CTNNA3: variants seen among roughly 807,000 people sequenced by gnomAD.
CTNNA3 encodes the protein catenin alpha 3, also known as catenin alpha-3.
A neutral mutation model predicts 95.7 loss-of-function variants in CTNNA3; 76 were observed. The observed-to-expected ratio is 0.79, with a 90% CI of 0.66 to 0.96. The LOEUF is 0.96. CTNNA3 is among the 40% of genes least tolerant of loss of function. The pLI, the probability that CTNNA3 is intolerant of heterozygous loss-of-function variation, is 0.00. For missense variants in CTNNA3, 1,191 were observed against 1,089.8 expected, an observed-to-expected ratio of 1.09 and a Z score of -1.31; for synonymous variants, 431 against 374.4, an observed-to-expected ratio of 1.15 and a Z score of -1.74.
intron 7 of CTNNA3, 103 bp downstream of exon 7, chr10:67,180,214 T>G: frequency 1.0e-6 from 1 of 967,938 alleles, no homozygotes; most frequent in Non-Finnish European, 1.6e-6. Context: ...AATCACATAC[T>G]CATTTGTAAT....
At chr10:66,595,437 G>A (rs185743273) in intron 10 of CTNNA3, among the ~76,000 whole-genome samples, 16 of 151,928 alleles carry the variant, frequency 1.1e-4, no homozygotes, top group South Asian at 6.2e-4. Context: ...TCTACCTCCC[G>A]GGTTCCAGCA....
chr10:67,414,359 T>C (rs1845475097), intron 5 of CTNNA3, among the ~76,000 whole-genome samples: 1 of 152,056 alleles, frequency 6.6e-6, no homozygotes, highest in African/African-American at 2.4e-5. Flanking sequence ...CCTGGAAGCA[T>C]ACAATCTCCA....
intron 5 of CTNNA3, among the ~76,000 whole-genome samples, chr10:67,263,889 G>T (rs1162164694): frequency 6.6e-6 from 1 of 151,926 alleles, no homozygotes; most frequent in African/African-American, 2.4e-5. Context: ...ATGCTGATGA[G>T]ATAAAATTTA....
chr10:67,725,851 T>G (rs1289067667), intron 1 of CTNNA3, among the ~76,000 whole-genome samples: 1 of 147,864 alleles, frequency 6.8e-6, no homozygotes, highest in African/African-American at 2.5e-5. Flanking sequence ...TGTAAATACG[T>G]AAGGTGTACC....
chr10:67,009,082 T>G (rs976757374), intron 7 of CTNNA3, among the ~76,000 whole-genome samples: 1 of 152,160 alleles, frequency 6.6e-6, no homozygotes, highest in Non-Finnish European at 1.5e-5. Flanking sequence ...CCATGTGACT[T>G]GATATTCATG....
At chr10:66,863,180 TACACACACACACAC>T (rs71035194) in intron 7 of CTNNA3, among the ~76,000 whole-genome samples, 2 of 147,806 alleles carry the variant, frequency 1.4e-5, no homozygotes, top group Admixed American at 1.4e-4. Context: ...GCCAATTCTT[TACACACACACACAC>T]ACACACACAC....
At chr10:66,172,810 C>T (rs1046401929) in intron 13 of CTNNA3, among the ~76,000 whole-genome samples, 12 of 152,132 alleles carry the variant, frequency 7.9e-5, no homozygotes, top group African/African-American at 2.9e-4. Context: ...AAAATTTCAT[C>T]ATTTTAATTA....
At chr10:67,552,957 T>C (rs545316108) in intron 3 of CTNNA3, among the ~76,000 whole-genome samples, 2 of 152,290 alleles carry the variant, frequency 1.3e-5, no homozygotes, top group South Asian at 4.1e-4. Flanking sequence ...CTTCATCAAT[T>C]TTTTTCTTTG....
chr10:67,090,117 A>C (rs558894211), intron 7 of CTNNA3, among the ~76,000 whole-genome samples: 47 of 152,212 alleles, frequency 3.1e-4, no homozygotes, highest in African/African-American at 1.0e-3. Flanking sequence ...TAAAAACCCC[A>C]AAGGTCTTCC....
chr10:66,917,312 T>C (rs1846541748), intron 7 of CTNNA3, among the ~76,000 whole-genome samples: 1 of 152,124 alleles, frequency 6.6e-6, no homozygotes, highest in Non-Finnish European at 1.5e-5. Context: ...GTTGCAAGAG[T>C]ATCCTAAGCA....
At chr10:67,091,310 T>C (rs1857618542) in intron 7 of CTNNA3, among the ~76,000 whole-genome samples, 1 of 151,858 alleles carries the variant, frequency 6.6e-6, no homozygotes, top group Non-Finnish European at 1.5e-5. Context: ...TTTAAGTAAA[T>C]TGAGAATTTA....
At chr10:67,210,126 T>C (rs1431397649) in intron 6 of CTNNA3, among the ~76,000 whole-genome samples, 3 of 151,944 alleles carry the variant, frequency 2.0e-5, no homozygotes, top group African/African-American at 7.2e-5. Context: ...GCTAACATGG[T>C]AAAACCCTGT....
chr10:67,127,836 C>T (rs949675155), intron 7 of CTNNA3, among the ~76,000 whole-genome samples: 2 of 151,858 alleles, frequency 1.3e-5, no homozygotes, highest in African/African-American at 4.8e-5. Flanking sequence ...TAGGAAAGAA[C>T]TTGAGATTGT....
intron 3 of CTNNA3, among the ~76,000 whole-genome samples, chr10:67,548,007 T>G (rs1055879677): frequency 2.6e-5 from 4 of 152,188 alleles, no homozygotes; most frequent in African/African-American, 9.6e-5. Flanking sequence ...CTTAGATGTT[T>G]ATCCCCGCCA....
intron 12 of CTNNA3, among the ~76,000 whole-genome samples, chr10:66,281,750 C>T (rs1400860305): frequency 1.3e-5 from 2 of 151,734 alleles, no homozygotes; most frequent in Non-Finnish European, 2.9e-5. Context: ...CCATCTCTTG[C>T]AATTCTGCCT....
intron 15 of CTNNA3, among the ~76,000 whole-genome samples, chr10:65,993,686 C>A (rs977987603): frequency 1.5e-4 from 23 of 152,114 alleles, no homozygotes; most frequent in African/African-American, 5.3e-4. Flanking sequence ...GTCATGTGGT[C>A]CTTGCTTTTG....
At chr10:66,605,675 A>G (rs1229877184) in intron 10 of CTNNA3, among the ~76,000 whole-genome samples, 1 of 152,132 alleles carries the variant, frequency 6.6e-6, no homozygotes, top group African/African-American at 2.4e-5. Flanking sequence ...TAGAAAGGAA[A>G]TCTCAACCCA....
intron 1 of CTNNA3, among the ~76,000 whole-genome samples, chr10:67,713,767 A>C: frequency 6.6e-6 from 1 of 152,162 alleles, no homozygotes; most frequent in East Asian, 1.9e-4. Context: ...AGGGAACATC[A>C]CATGCTGGTG....
chr10:66,535,502 C>T (rs767249206), intron 10 of CTNNA3, among the ~76,000 whole-genome samples: 2 of 152,046 alleles, frequency 1.3e-5, no homozygotes, highest in Non-Finnish European at 2.9e-5. Context: ...GAATTATCTC[C>T]GGGGAAATAT....
Sources: allele counts gnomAD v4.1 joint callset (sites outside exome capture counted in the v4.1 genomes callset), GRCh38; gene constraint gnomAD v4.1.1; transcripts MANE v1.5; gene names NCBI Gene and HGNC (gene_info 2026-07-23, HGNC 2026-07-21).